Variants in RHBDD1 observed in about 807,000 individuals in gnomAD.
RHBDD1 encodes the protein rhomboid-related protein 4.
Under a neutral mutation model 36.3 loss-of-function variants are expected in RHBDD1, and 38 were observed. That is an observed-to-expected ratio of 1.05 (90% CI 0.81 to 1.37). The LOEUF is 1.37. RHBDD1 is among the 40% of genes most tolerant of loss of function. The probability of loss-of-function intolerance (pLI) is 0.00; values close to 1 mark genes in which losing one functional copy is unlikely to be tolerated. For synonymous variants in RHBDD1, 151 were observed against 136.5 expected (o/e 1.11, Z -0.74); for missense variants, 393 against 377.6 (o/e 1.04, Z -0.34).
chr2:226,816,597 TATAAAACATAG>T, the RHBDD1 span, among the ~76,000 whole-genome samples: 2 of 151,942 alleles, frequency 1.3e-5, no homozygotes, highest in Non-Finnish European at 2.9e-5. Flanking sequence ...ACCAAGAAAA[TATAAAACATAG>T]GTCTAGGCCA....
intron 2 of RHBDD1, 124 bp downstream of exon 2, chr2:226,838,278 A>G (rs1184576228): frequency 3.3e-5 from 5 of 152,228 alleles, no homozygotes; most frequent in African/African-American, 1.2e-4. Flanking sequence ...TGAATGGATT[A>G]TTCTGGAAAT....
chr2:226,846,817 T>G (rs1212756101), intron 3 of RHBDD1, among the ~76,000 whole-genome samples: 1 of 150,268 alleles, frequency 6.7e-6, no homozygotes, highest in East Asian at 1.9e-4. Flanking sequence ...GGGATAATAA[T>G]GAATGACAAT....
intron 8 of RHBDD1, among the ~76,000 whole-genome samples, chr2:226,986,063 G>A (rs1044107530): frequency 1.3e-5 from 2 of 152,166 alleles, no homozygotes; most frequent in African/African-American, 2.4e-5. Flanking sequence ...CACCTCTATG[G>A]TATTCTTCAC....
chr2:226,880,753 A>G (rs899931220), intron 5 of RHBDD1, among the ~76,000 whole-genome samples: 6 of 152,226 alleles, frequency 3.9e-5, no homozygotes, highest in African/African-American at 1.4e-4. Flanking sequence ...TTCTTTAGGT[A>G]TTCTTTTCAA....
At chr2:226,875,548 C>T (rs1249689072) in intron 5 of RHBDD1, among the ~76,000 whole-genome samples, 1 of 151,886 alleles carries the variant, frequency 6.6e-6, no homozygotes, top group South Asian at 2.1e-4. Context: ...CAAACCAGAA[C>T]AGAAGGTGGG....
intron 4 of RHBDD1, among the ~76,000 whole-genome samples, chr2:226,865,527 C>T (rs187176811): frequency 6.6e-6 from 1 of 152,300 alleles, no homozygotes; most frequent in Non-Finnish European, 1.5e-5. Flanking sequence ...AGACAGAGCA[C>T]ACTCATCTGC....
chr2:226,910,838 T>G (rs1211334075), intron 7 of RHBDD1, among the ~76,000 whole-genome samples: 1 of 152,188 alleles, frequency 6.6e-6, no homozygotes, highest in East Asian at 1.9e-4. Flanking sequence ...GGAGGAGATC[T>G]GTTCTCATTA....
chr2:226,814,400 AG>A, the RHBDD1 span, among the ~76,000 whole-genome samples: 1 of 152,210 alleles, frequency 6.6e-6, no homozygotes, highest in African/African-American at 2.4e-5. Context: ...AATAACTTTG[AG>A]GGCCCACATG....
intron 3 of RHBDD1, among the ~76,000 whole-genome samples, chr2:226,863,910 T>A (rs1185607374): frequency 6.6e-6 from 1 of 152,158 alleles, no homozygotes; most frequent in Non-Finnish European, 1.5e-5. Context: ...CAGGCTGTGT[T>A]GTGTGCCTGT....
intron 3 of RHBDD1, among the ~76,000 whole-genome samples, chr2:226,851,216 C>G (rs1269617726): frequency 1.3e-5 from 2 of 152,062 alleles, no homozygotes; most frequent in Non-Finnish European, 2.9e-5. Flanking sequence ...AAATTCCTCT[C>G]CATTTCTCTC....
chr2:226,909,012 A>T, intron 7 of RHBDD1, 134 bp downstream of exon 7: 1 of 615,888 alleles, frequency 1.6e-6, no homozygotes, highest in Non-Finnish European at 2.9e-6. Context: ...CTGTGCCTCT[A>T]ACACACCTGG....
intron 3 of RHBDD1, among the ~76,000 whole-genome samples, chr2:226,851,116 T>C (rs957462434): frequency 2.0e-5 from 3 of 152,098 alleles, no homozygotes; most frequent in African/African-American, 4.8e-5. Context: ...CAGTATGTTA[T>C]TTGTTTTGGG....
rs115682403 is a variant in RHBDD1 at position 226,845,746 on chromosome 2, T to G, written c.-91+6119T>G. On this transcript the variant is annotated intron_variant, in intron 3 of 8. Transcript: ENST00000392062. ...CAGCCTGACAGCCTTTCGTGTTAAATTCAGCAAGATTGCTTTTCATTTAAC... is the reference window on the plus strand; with the variant it reads ...CAGCCTGACAGCCTTTCGTGTTAAAGTCAGCAAGATTGCTTTTCATTTAAC... Among the ~76,000 whole-genome samples, 688 of 152,366 alleles carry G rather than the reference T, an allele frequency of 4.5e-3. 4 individuals carry two copies. The highest frequency in any genetic ancestry group is 0.016 in the African/African-American group (652 of 41,588).
chr2:226,830,518 G>A, the RHBDD1 span, among the ~76,000 whole-genome samples: 5 of 152,156 alleles, frequency 3.3e-5, no homozygotes, highest in African/African-American at 1.2e-4. Context: ...TTTGCTAAGA[G>A]GGTCTTGCTA....
intron 3 of RHBDD1, among the ~76,000 whole-genome samples, chr2:226,842,512 A>G (rs558146862): frequency 1.1e-4 from 16 of 152,202 alleles, no homozygotes; most frequent in Middle Eastern, 6.8e-3. Context: ...ATGGCTACCC[A>G]TTTCTCCCAG....
intron 8 of RHBDD1, among the ~76,000 whole-genome samples, chr2:226,970,424 A>G (rs1559324465): frequency 6.6e-6 from 1 of 152,198 alleles, no homozygotes; most frequent in Non-Finnish European, 1.5e-5. Context: ...TTGTCTCATG[A>G]TATGAGTCTC....
intron 8 of RHBDD1, among the ~76,000 whole-genome samples, chr2:226,942,816 T>C (rs142166026): frequency 9.9e-5 from 15 of 152,230 alleles, no homozygotes; most frequent in African/African-American, 3.6e-4. Flanking sequence ...AGTTTTCCTT[T>C]TAGAAAAGAA....
chr2:226,838,251 A>G (rs184870912), intron 2 of RHBDD1, 97 bp downstream of exon 2: 364 of 152,362 alleles, frequency 2.4e-3, no homozygotes, highest in African/African-American at 8.3e-3. Flanking sequence ...GAGTTTTCAG[A>G]TAAACATAAG....
At chr2:226,927,352 G>GT (rs1949732865) in intron 8 of RHBDD1, among the ~76,000 whole-genome samples, 1 of 147,978 alleles carries the variant, frequency 6.8e-6, no homozygotes, top group Non-Finnish European at 1.5e-5. Context: ...TTGTTTTTTT[G>GT]TTTTTTTGTT....
Sources: allele counts gnomAD v4.1 joint callset (sites outside exome capture counted in the v4.1 genomes callset), GRCh38; gene constraint gnomAD v4.1.1; transcripts MANE v1.5; gene names NCBI Gene and HGNC (gene_info 2026-07-23, HGNC 2026-07-21).